Variants in ADGRB3 observed in about 807,000 individuals in gnomAD.
The protein encoded by ADGRB3 is brain-specific angiogenesis inhibitor 3.
A neutral mutation model predicts 193.4 loss-of-function variants in ADGRB3; 37 were observed. The observed-to-expected ratio is 0.19, with a 90% CI of 0.15 to 0.25. The LOEUF (loss-of-function observed/expected upper bound fraction) is 0.25. Ranked by LOEUF, ADGRB3 falls within the 10% of genes least tolerant of loss-of-function variation. The pLI, the probability that ADGRB3 is intolerant of heterozygous loss-of-function variation, is 1.00. For missense variants in ADGRB3, 1,637 were observed against 1,852.9 expected (o/e 0.88, Z 2.14); for synonymous variants, 690 against 644.2 (o/e 1.07, Z -1.08).
intron 16 of ADGRB3, among the ~76,000 whole-genome samples, chr6:69,071,893 C>G (rs1462495717): frequency 6.6e-6 from 1 of 152,024 alleles, no homozygotes; most frequent in Non-Finnish European, 1.5e-5. Context: ...TGGGCTACTT[C>G]TCATTATTGA....
intron 12 of ADGRB3, 147 bp downstream of exon 12, chr6:69,014,253 G>T: frequency 1.8e-6 from 1 of 554,298 alleles, no homozygotes; most frequent in Non-Finnish European, 3.1e-6. Flanking sequence ...GGAAACAAAT[G>T]ATCGTTACCA....
rs376648848 is a variant in ADGRB3, at chr6:69,022,515, C to CTTA, written c.2107+4021_2107+4023dup. ...TTAAGGACCTTGCAATCCTATTTCT[C>CTTA]TTATTATCTTTCTGAAGCTCCTATT... On this transcript the variant is annotated intron_variant, in intron 13 of 31. Transcript: ENST00000370598. 1.2e-3 allele frequency among the ~76,000 whole-genome samples: 185 copies of CTTA among 152,008 alleles called. 1 individual carries two copies. The highest frequency in any genetic ancestry group is 4.4e-3 in the African/African-American group (182 of 41,550).
intron 3 of ADGRB3, among the ~76,000 whole-genome samples, chr6:68,825,673 C>T (rs188135989): frequency 2.0e-5 from 3 of 152,080 alleles, no homozygotes; most frequent in Non-Finnish European, 4.4e-5. Flanking sequence ...TTCCCCCATG[C>T]TGTTCTCATG....
intron 4 of ADGRB3, among the ~76,000 whole-genome samples, chr6:68,932,593 T>A (rs1165888863): frequency 6.6e-6 from 1 of 152,032 alleles, no homozygotes; most frequent in Non-Finnish European, 1.5e-5. Flanking sequence ...CTTAAATATT[T>A]TCCTAGATTA....
chr6:69,052,135 G>T (rs549356749), intron 15 of ADGRB3, among the ~76,000 whole-genome samples: 2 of 152,056 alleles, frequency 1.3e-5, no homozygotes, highest in South Asian at 2.1e-4. Context: ...TGATCTGCCC[G>T]CCTCGGCCTC....
At chr6:68,861,716 T>C (rs190597252) in intron 3 of ADGRB3, among the ~76,000 whole-genome samples, 1 of 152,338 alleles carries the variant, frequency 6.6e-6, no homozygotes, top group Non-Finnish European at 1.5e-5. Flanking sequence ...GATGGAGTCC[T>C]GTCTTCAATG....
chr6:69,375,808 C>T (rs1340050810), intron 30 of ADGRB3, among the ~76,000 whole-genome samples: 1 of 151,822 alleles, frequency 6.6e-6, no homozygotes, highest in Admixed American at 6.6e-5. Flanking sequence ...CTGGGCATGG[C>T]AGTGCATACC....
chr6:69,258,504 A>G (rs1766831533), intron 20 of ADGRB3, among the ~76,000 whole-genome samples: 1 of 152,274 alleles, frequency 6.6e-6, no homozygotes, highest in South Asian at 2.1e-4. Flanking sequence ...GCAAAGGGAA[A>G]AACTGCAAAT....
chr6:68,906,394 C>T (rs1037082869), intron 3 of ADGRB3, among the ~76,000 whole-genome samples: 2 of 149,430 alleles, frequency 1.3e-5, no homozygotes, highest in Non-Finnish European at 3.0e-5. Flanking sequence ...TTGCTTGTAG[C>T]CTACAAGCAA....
chr6:68,857,241 G>T (rs1272182430), intron 3 of ADGRB3, among the ~76,000 whole-genome samples: 1 of 152,228 alleles, frequency 6.6e-6, no homozygotes, highest in South Asian at 2.1e-4. Context: ...CTGCCTAGTG[G>T]AGCTGTGAGA....
intron 20 of ADGRB3, among the ~76,000 whole-genome samples, chr6:69,286,182 AT>A (rs944280801): frequency 6.0e-5 from 9 of 151,076 alleles, no homozygotes; most frequent in African/African-American, 9.7e-5. Context: ...ATTCTTAATT[AT>A]TTTTTTTTCC....
intron 3 of ADGRB3, among the ~76,000 whole-genome samples, chr6:68,818,570 A>T (rs1767681687): frequency 6.6e-6 from 1 of 152,084 alleles, no homozygotes; most frequent in Admixed American, 6.6e-5. Flanking sequence ...GGGGGAAAAA[A>T]GGTGCTATTC....
chr6:68,647,201 A>G lies in ADGRB3; in HGVS notation c.757+7769A>G, dbSNP rs540341500. Reference sequence around the variant, plus strand: ...ATAAATTTTCACTGAGGTATTTTTCATTATGTTTAAAACTGCTTATGTTTC... The same window carrying G: ...ATAAATTTTCACTGAGGTATTTTTCGTTATGTTTAAAACTGCTTATGTTTC... On this transcript the variant is annotated intron_variant, in intron 3 of 31. Transcript: ENST00000370598. 9.2e-5 allele frequency among the ~76,000 whole-genome samples: 14 copies of G among 152,252 alleles called. 1 individual carries two copies. The highest frequency in any genetic ancestry group is 9.2e-4 in the Admixed American group (14 of 15,296).
At chr6:68,993,497 A>C (rs1018020498) in intron 10 of ADGRB3, among the ~76,000 whole-genome samples, 5 of 152,162 alleles carry the variant, frequency 3.3e-5, no homozygotes, top group African/African-American at 1.2e-4. Flanking sequence ...ATTAATACAC[A>C]TTTTCCCAAA....
chr6:69,194,389 C>G (rs771299913), intron 17 of ADGRB3, among the ~76,000 whole-genome samples: 4 of 152,086 alleles, frequency 2.6e-5, no homozygotes, highest in South Asian at 2.1e-4. Flanking sequence ...ATCTTTGGAA[C>G]TGGATGCTAT....
intron 21 of ADGRB3, among the ~76,000 whole-genome samples, chr6:69,327,580 G>A (rs1768605320): frequency 1.3e-5 from 2 of 152,042 alleles, no homozygotes; most frequent in Admixed American, 1.3e-4. Flanking sequence ...ATTTAAACCC[G>A]TGTCAAATGT....
At chr6:69,176,796 T>C (rs1182387920) in intron 17 of ADGRB3, among the ~76,000 whole-genome samples, 1 of 152,206 alleles carries the variant, frequency 6.6e-6, no homozygotes, top group Non-Finnish European at 1.5e-5. Flanking sequence ...TATTACTGAT[T>C]TAATTTCAGA....
intron 20 of ADGRB3, among the ~76,000 whole-genome samples, chr6:69,294,745 A>G (rs1044764397): frequency 1.3e-5 from 2 of 152,130 alleles, no homozygotes; most frequent in Non-Finnish European, 2.9e-5. Flanking sequence ...TTATATAACA[A>G]TTCAATTCCT....
chr6:69,149,956 G>GTA (rs1467228338), intron 17 of ADGRB3, among the ~76,000 whole-genome samples: 2 of 150,806 alleles, frequency 1.3e-5, no homozygotes, highest in Non-Finnish European at 3.0e-5. Flanking sequence ...GTGTGTGTGT[G>GTA]TGTGTGTGTG....
Sources: gnomAD v4.1 joint callset for allele counts (sites outside exome capture counted in the v4.1 genomes callset) on GRCh38, gnomAD v4.1.1 for gene constraint, MANE v1.5 for transcripts, NCBI Gene and HGNC (gene_info 2026-07-23, HGNC 2026-07-21) for gene names.